Variants in NUP43 observed in about 807,000 individuals in gnomAD.
NUP43 encodes the protein nucleoporin Nup43.
NUP43 carries 32 observed loss-of-function variants against 47.3 expected under a neutral mutation model. That is an observed-to-expected ratio of 0.68 (90% CI 0.51 to 0.91). The LOEUF is 0.91. Ranked by LOEUF, NUP43 falls within the 40% of genes least tolerant of loss-of-function variation. The probability of loss-of-function intolerance (pLI) is 0.00; values close to 1 mark genes in which losing one functional copy is unlikely to be tolerated. For synonymous variants in NUP43, 147 were observed against 158.4 expected (o/e 0.93, Z 0.54); for missense variants, 444 against 453.9 (o/e 0.98, Z 0.20).
In NUP43 at chr6:149,724,871, G is replaced by T. The variant is rs1784738406; in HGVS notation, c.*2098C>A. 1 of 152,124 alleles carries T rather than the reference G, an allele frequency of 6.6e-6. No homozygotes were observed. The highest frequency in any genetic ancestry group is 1.5e-5 in the Non-Finnish European group (1 of 68,046). The allele number at this position is 152,124 out of a possible 1,614,324, so 9.4% of individuals were successfully genotyped here. ...CCCAAAGTGCTAGCATTACAGGCGT[G>T]AGCCACCATGCCTGGCCACCATATG... On this transcript the variant is annotated 3_prime_UTR_variant, in exon 8 of 8. Coordinates refer to ENST00000340413, the MANE Select transcript of NUP43 (RefSeq NM_198887.3).
chr6:149,747,334 G>A (rs1323681735), upstream of NUP43, among the ~76,000 whole-genome samples: 2 of 151,910 alleles, frequency 1.3e-5, no homozygotes, highest in African/African-American at 2.4e-5. Flanking sequence ...CTGGAGTGCA[G>A]TGGTACAATC....
intron 2 of NUP43, among the ~76,000 whole-genome samples, chr6:149,744,502 G>A (rs1163399527): frequency 2.0e-5 from 3 of 149,956 alleles, no homozygotes; most frequent in Non-Finnish European, 4.4e-5. Flanking sequence ...CAGCCTGGGT[G>A]ACAGAGCAAG....
At chr6:149,745,242 T>C (rs1785909649) in intron 2 of NUP43, among the ~76,000 whole-genome samples, 1 of 151,218 alleles carries the variant, frequency 6.6e-6, no homozygotes, top group Non-Finnish European at 1.5e-5. Flanking sequence ...CTATTAAAAA[T>C]ACAAAAAATT....
chr6:149,743,885 A>G (rs1392968440), intron 2 of NUP43, among the ~76,000 whole-genome samples, 170 bp from the exon 3 acceptor site: 2 of 152,254 alleles, frequency 1.3e-5, no homozygotes, highest in Non-Finnish European at 2.9e-5. Context: ...CCAAACTGCC[A>G]TACAAAGTAT....
intron 6 of NUP43, among the ~76,000 whole-genome samples, chr6:149,733,130 G>A (rs545710284): frequency 1.3e-5 from 2 of 151,954 alleles, no homozygotes; most frequent in African/African-American, 4.8e-5. Context: ...AATATATGAA[G>A]ATTATATTAT....
At chr6:149,738,491 C>T in intron 5 of NUP43, 152 bp downstream of exon 5, 1 of 471,536 alleles carries the variant, frequency 2.1e-6, no homozygotes, top group Non-Finnish European at 3.7e-6. Flanking sequence ...AGTACCAACC[C>T]CGTCAAGTTA....
At chr6:149,746,534 A>G (rs760507257), upstream of NUP43, 6 of 1,614,058 alleles carry the variant, frequency 3.7e-6, no homozygotes, top group Non-Finnish European at 5.1e-6. Flanking sequence ...AAAAGCAAGC[A>G]CAGTACGCGC....
chr6:149,745,160 G>A (rs1025795682), intron 2 of NUP43, among the ~76,000 whole-genome samples: 1 of 151,964 alleles, frequency 6.6e-6, no homozygotes, highest in Non-Finnish European at 1.5e-5. Context: ...CAGCACTTTG[G>A]GAGGCCGAGG....
chr6:149,742,698 G>T, intron 3 of NUP43, 128 bp from the exon 4 acceptor site: 1 of 655,744 alleles, frequency 1.5e-6, no homozygotes, highest in Non-Finnish European at 2.5e-6. Flanking sequence ...TTTTCCTTTA[G>T]AATAATGAAA....
intron 2 of NUP43, among the ~76,000 whole-genome samples, chr6:149,744,036 G>A (rs2115156425): frequency 6.6e-6 from 1 of 152,266 alleles, no homozygotes; most frequent in East Asian, 1.9e-4. Context: ...CATTTTGGGA[G>A]GCCTAGGTGG....
At chr6:149,727,605 A>C in intron 7 of NUP43, 5 of 834,708 alleles carry the variant, frequency 6.0e-6, no homozygotes, top group Non-Finnish European at 7.2e-6. Context: ...AATGATCATG[A>C]GAAAGAATTT....
At chr6:149,745,425 C>CAA (rs1413865681) in intron 2 of NUP43, among the ~76,000 whole-genome samples, 1 of 150,158 alleles carries the variant, frequency 6.7e-6, no homozygotes, top group Non-Finnish European at 1.5e-5. Context: ...AAAGAAAACT[C>CAA]AATTTCATCC....
chr6:149,734,615 T>C (rs1785224705), intron 6 of NUP43, among the ~76,000 whole-genome samples: 1 of 151,816 alleles, frequency 6.6e-6, no homozygotes, highest in Non-Finnish European at 1.5e-5. Context: ...CTGGCCAACA[T>C]GGTGAAACCC....
chr6:149,727,698 C>T, intron 7 of NUP43: 2 of 936,500 alleles, frequency 2.1e-6, no homozygotes, highest in Non-Finnish European at 2.5e-6. Context: ...ATATAATCGC[C>T]TTACCTCAAA....
chr6:149,738,860 G>C (rs1383093063), intron 4 of NUP43, 82 bp from the exon 5 acceptor site: 1 of 735,386 alleles, frequency 1.4e-6, no homozygotes, highest in African/African-American at 1.8e-5. Flanking sequence ...TCCTTTCATG[G>C]ATTGATATAT....
Position 149,732,940 on chromosome 6 carries a change from C to A in NUP43, c.791-1205G>T, listed in dbSNP as rs140550819. 3.3e-5 allele frequency among the ~76,000 whole-genome samples: 5 copies of A among 152,102 alleles called. No homozygotes were observed. In the East Asian group the frequency reaches 9.6e-4, roughly 29 times the overall value. On this transcript the variant is annotated intron_variant, in intron 6 of 7. Transcript: ENST00000340413. The stretch of plus-strand genomic sequence containing the variant: ...TTATTTTTATTTTTTTAAATAGAGA[C>A]AGGGTTTTGCTATGTTGTCTACCTT...
chr6:149,741,342 T>C (rs1785643710), intron 4 of NUP43, among the ~76,000 whole-genome samples: 1 of 151,802 alleles, frequency 6.6e-6, no homozygotes, highest in Non-Finnish European at 1.5e-5. Context: ...CCCAGCTAAT[T>C]TTTGTATTTT....
At chr6:149,749,193 CAG>C (rs1442932610), upstream of NUP43, among the ~76,000 whole-genome samples, 1 of 150,956 alleles carries the variant, frequency 6.6e-6, no homozygotes, top group Non-Finnish European at 1.5e-5. Flanking sequence ...CTTAGCCTAA[CAG>C]TGACGTGCTT....
intron 4 of NUP43, among the ~76,000 whole-genome samples, chr6:149,739,496 A>G (rs955090795): frequency 6.6e-6 from 1 of 152,124 alleles, no homozygotes; most frequent in Non-Finnish European, 1.5e-5. Flanking sequence ...CATGTTGGCC[A>G]GGCTGGTCTC....
Sources: gnomAD v4.1 joint callset for allele counts (sites outside exome capture counted in the v4.1 genomes callset) on GRCh38, gnomAD v4.1.1 for gene constraint, MANE v1.5 for transcripts, NCBI Gene and HGNC (gene_info 2026-07-23, HGNC 2026-07-21) for gene names.